Variants in ZNF385D observed in about 807,000 individuals in gnomAD.
ZNF385D encodes zinc finger protein 385D, also known as zinc finger protein 659.
A neutral mutation model predicts 35.8 loss-of-function variants in ZNF385D; 15 were observed. That is an observed-to-expected ratio of 0.42 (90% confidence interval 0.28 to 0.64). ZNF385D has a LOEUF of 0.64. ZNF385D is among the 30% of genes least tolerant of loss of function. The probability of loss-of-function intolerance (pLI) is 0.23; values close to 1 mark genes in which losing one functional copy is unlikely to be tolerated. For missense variants in ZNF385D, 474 were observed against 494.6 expected (o/e 0.96, Z 0.39); for synonymous variants, 212 against 186.8 (o/e 1.13, Z -1.10).
chr3:21,921,989 C>T (rs1033810576), intron 3 of ZNF385D, among the ~76,000 whole-genome samples: 2 of 152,118 alleles, frequency 1.3e-5, no homozygotes, highest in Admixed American at 6.5e-5. Flanking sequence ...CTTCCTAACT[C>T]ATGTTATGAA....
In ZNF385D at chr3:21,420,690, T is replaced by C. The variant is rs562450237; in HGVS notation, c.*524A>G. 1 of 153,538 alleles carries C rather than the reference T, an allele frequency of 6.5e-6. No homozygotes were observed. Among genetic ancestry groups the C allele is most frequent in the Admixed American group, 6.4e-5 (1 of 15,526 alleles). The allele number at this position is 153,538 out of a possible 1,614,324, so 9.5% of individuals were successfully genotyped here. ...TGTTTTACAAGACATCTACTGTATC[T>C]ACTTTTGTTGGGATAAATACCCAGT... On this transcript the variant is annotated 3_prime_UTR_variant, in exon 8 of 8. Coordinates refer to ENST00000281523, the MANE Select transcript of ZNF385D (RefSeq NM_024697.3).
chr3:22,007,405 G>T (rs1294925202), intron 3 of ZNF385D, among the ~76,000 whole-genome samples: 1 of 152,050 alleles, frequency 6.6e-6, no homozygotes, highest in Non-Finnish European at 1.5e-5. Context: ...TATTTATTTA[G>T]TTTGTTTTCC....
chr3:22,084,796 G>C (rs1458346155), intron 3 of ZNF385D, among the ~76,000 whole-genome samples: 5 of 152,040 alleles, frequency 3.3e-5, no homozygotes, highest in East Asian at 1.9e-4. Flanking sequence ...CCACATCACA[G>C]TTATTCCAAA....
intron 3 of ZNF385D, among the ~76,000 whole-genome samples, chr3:22,062,626 C>T (rs767643727): frequency 6.6e-6 from 1 of 152,124 alleles, no homozygotes; most frequent in Non-Finnish European, 1.5e-5. Context: ...ACCCCCTCGC[C>T]CCCAAAGATG....
At chr3:21,836,658 A>G (rs989420044) in intron 3 of ZNF385D, among the ~76,000 whole-genome samples, 1 of 152,172 alleles carries the variant, frequency 6.6e-6, no homozygotes, top group Non-Finnish European at 1.5e-5. Context: ...AAACCATAGT[A>G]TGTAAACGAA....
chr3:21,598,768 C>T (rs2064197113), intron 2 of ZNF385D, among the ~76,000 whole-genome samples: 1 of 152,178 alleles, frequency 6.6e-6, no homozygotes, highest in African/African-American at 2.4e-5. Flanking sequence ...ATTTCTAACA[C>T]AAAACACCCA....
At chr3:22,259,098 C>T (rs936206049) in intron 2 of ZNF385D, among the ~76,000 whole-genome samples, 2 of 151,876 alleles carry the variant, frequency 1.3e-5, no homozygotes, top group Non-Finnish European at 2.9e-5. Context: ...GGCTACCTTG[C>T]TCTTTGAGTA....
chr3:21,440,689 T>C (rs919800260), intron 4 of ZNF385D, among the ~76,000 whole-genome samples: 13 of 152,130 alleles, frequency 8.5e-5, no homozygotes, highest in African/African-American at 3.1e-4. Context: ...TATGGGAACT[T>C]TCTGATATAT....
intron 2 of ZNF385D, among the ~76,000 whole-genome samples, chr3:22,248,969 G>C (rs1576561472): frequency 6.6e-6 from 1 of 152,130 alleles, no homozygotes; most frequent in South Asian, 2.1e-4. Flanking sequence ...TGCAGGAGAG[G>C]TCACCTGTAA....
At chr3:21,978,917 G>T in intron 3 of ZNF385D, among the ~76,000 whole-genome samples, 1 of 151,828 alleles carries the variant, frequency 6.6e-6, no homozygotes. Context: ...TAAAATATGT[G>T]AAAAAACAAA....
At chr3:21,763,546 G>A (rs146365646) in intron 3 of ZNF385D, among the ~76,000 whole-genome samples, 2 of 152,038 alleles carry the variant, frequency 1.3e-5, no homozygotes, top group South Asian at 4.1e-4. Context: ...TGTGCTTTAG[G>A]CCTATAATAT....
chr3:21,703,263 C>G (rs931562226), intron 1 of ZNF385D, among the ~76,000 whole-genome samples: 1 of 152,068 alleles, frequency 6.6e-6, no homozygotes, highest in Non-Finnish European at 1.5e-5. Flanking sequence ...AAGTGGAAAC[C>G]CCTGATAAAA....
At chr3:21,914,484 G>T (rs1454781171) in intron 3 of ZNF385D, among the ~76,000 whole-genome samples, 1 of 150,408 alleles carries the variant, frequency 6.6e-6, no homozygotes, top group Non-Finnish European at 1.5e-5. Context: ...CCTACCAAAA[G>T]ATCATATCAA....
intron 2 of ZNF385D, among the ~76,000 whole-genome samples, chr3:22,330,495 G>A (rs1330508385): frequency 6.6e-6 from 1 of 151,982 alleles, no homozygotes; most frequent in Middle Eastern, 3.2e-3. Context: ...CTTTTATAAT[G>A]TTTTGAGCTT....
chr3:21,950,655 T>C (rs1702020997), intron 3 of ZNF385D, among the ~76,000 whole-genome samples: 1 of 151,936 alleles, frequency 6.6e-6, no homozygotes, highest in South Asian at 2.1e-4. Flanking sequence ...GCCTAGGTTT[T>C]CTTCTAGGGT....
At chr3:22,247,986 A>G (rs1240084174) in intron 2 of ZNF385D, among the ~76,000 whole-genome samples, 1 of 152,172 alleles carries the variant, frequency 6.6e-6, no homozygotes, top group Non-Finnish European at 1.5e-5. Context: ...TTTGCTGTGA[A>G]CTTTATATAA....
At chr3:21,916,393 G>A (rs1029231879) in intron 3 of ZNF385D, among the ~76,000 whole-genome samples, 1 of 152,024 alleles carries the variant, frequency 6.6e-6, no homozygotes, top group African/African-American at 2.4e-5. Flanking sequence ...TTGATCATCT[G>A]CTTTACTGAT....
At chr3:22,021,306 T>A (rs891537723) in intron 3 of ZNF385D, among the ~76,000 whole-genome samples, 2 of 151,962 alleles carry the variant, frequency 1.3e-5, no homozygotes, top group Admixed American at 1.3e-4. Context: ...TAAATGTTGA[T>A]ACTTCAAACC....
chr3:22,225,450 A>G (rs1394222329), intron 2 of ZNF385D, among the ~76,000 whole-genome samples: 2 of 152,050 alleles, frequency 1.3e-5, no homozygotes, highest in East Asian at 3.9e-4. Context: ...TTCTTTCCCC[A>G]CTGAAAGCAG....
Sources: allele counts gnomAD v4.1 joint callset (sites outside exome capture counted in the v4.1 genomes callset), GRCh38; gene constraint gnomAD v4.1.1; transcripts MANE v1.5; gene names NCBI Gene and HGNC (gene_info 2026-07-23, HGNC 2026-07-21).